MGAT5: variants seen among roughly 807,000 people sequenced by gnomAD.
MGAT5 encodes the protein alpha-1,6-mannosylglycoprotein 6-beta-N-acetylglucosaminyltransferase, also known as alpha-1,6-mannosylglycoprotein 6-beta-N-acetylglucosaminyltransferase A.
A neutral mutation model predicts 94.3 loss-of-function variants in MGAT5; 30 were observed. That is an observed-to-expected ratio of 0.32 (90% confidence interval 0.24 to 0.43). The LOEUF (loss-of-function observed/expected upper bound fraction) is 0.43, where lower values mean the gene tolerates loss of function less well. Among genes scored for constraint, MGAT5 ranks in the 20% least tolerant of loss-of-function variants. The pLI is 1.00. For synonymous variants in MGAT5, 310 were observed against 322.9 expected (o/e 0.96, Z 0.43); for missense variants, 691 against 905.5 (o/e 0.76, Z 3.04).
At chr2:134,429,106 T>G (rs1388716709) in intron 14 of MGAT5, among the ~76,000 whole-genome samples, 1 of 152,200 alleles carries the variant, frequency 6.6e-6, no homozygotes, top group Non-Finnish European at 1.5e-5. Context: ...GGTAGGAGAA[T>G]ATGAACTCTT....
chr2:134,313,386 T>C (rs1686813446), intron 2 of MGAT5, among the ~76,000 whole-genome samples: 1 of 152,184 alleles, frequency 6.6e-6, no homozygotes, highest in Non-Finnish European at 1.5e-5. Context: ...CTACATCGTA[T>C]GGGCACAAGT....
At chr2:134,302,328 C>T (rs1334001196) in intron 2 of MGAT5, among the ~76,000 whole-genome samples, 2 of 152,080 alleles carry the variant, frequency 1.3e-5, no homozygotes, top group Non-Finnish European at 2.9e-5. Context: ...CATATTGATT[C>T]ACCATCCTTT....
intron 1 of MGAT5, among the ~76,000 whole-genome samples, chr2:134,152,292 C>G (rs1687249897): frequency 7.1e-6 from 1 of 141,750 alleles, no homozygotes; most frequent in Admixed American, 7.0e-5. Flanking sequence ...GACCTGCTTA[C>G]CACCATGGGA....
In MGAT5 at chr2:134,448,808, C is replaced by A. The variant is rs1360783972; in HGVS notation, c.2187C>A (p.Phe729Leu). Reference sequence around the variant, plus strand: ...AGAGGGTCTGCCCCTGCCGGGACTTCATCAAGGGCCAGGTGGCTCTCTGCA... The same window carrying A: ...AGAGGGTCTGCCCCTGCCGGGACTTAATCAAGGGCCAGGTGGCTCTCTGCA... ...RHQRVCPCRD[F>L]IKGQVALCKD... is the part of the protein sequence containing the mutation. Residue 729 changes from phenylalanine to leucine, a missense_variant, in exon 16 of 16, where the codon TTC becomes TTA. Around this residue, in one of 4 missense-constraint regions of MGAT5, gnomAD observed 260 missense variants for 347.0 expected, o/e 0.75. Transcript: ENST00000281923. 1 of 1,613,988 alleles carries A rather than the reference C, an allele frequency of 6.2e-7. No homozygotes were observed. The highest frequency in any genetic ancestry group is 2.2e-5 in the East Asian group (1 of 44,888).
intron 10 of MGAT5, among the ~76,000 whole-genome samples, chr2:134,381,384 A>G (rs1271867468): frequency 5.2e-4 from 39 of 74,518 alleles, no homozygotes; most frequent in South Asian, 2.0e-3. Context: ...AAGATAGATT[A>G]GATAGATAGA....
chr2:134,305,268 T>G (rs557879616), intron 2 of MGAT5, among the ~76,000 whole-genome samples: 1 of 152,316 alleles, frequency 6.6e-6, no homozygotes, highest in East Asian at 1.9e-4. Flanking sequence ...CAAAAATTTT[T>G]CTTGATCTCC....
intron 5 of MGAT5, among the ~76,000 whole-genome samples, 175 bp downstream of exon 5, chr2:134,336,463 G>C (rs1291900919): frequency 6.6e-6 from 1 of 152,094 alleles, no homozygotes; most frequent in African/African-American, 2.4e-5. Context: ...CATTAGCATA[G>C]GTTTGTTTAC....
chr2:134,332,511 T>G (rs1050331523), intron 4 of MGAT5, among the ~76,000 whole-genome samples: 31 of 152,286 alleles, frequency 2.0e-4, no homozygotes, highest in African/African-American at 7.2e-4. Context: ...GCATTACCAT[T>G]CAAGACATAG....
chr2:134,251,797 C>A (rs879548522), upstream of MGAT5, among the ~76,000 whole-genome samples: 1 of 152,090 alleles, frequency 6.6e-6, no homozygotes. Flanking sequence ...TAGAAATATA[C>A]GTTATTATTA....
chr2:134,254,002 T>C (rs925139051), upstream of MGAT5, among the ~76,000 whole-genome samples: 1 of 152,254 alleles, frequency 6.6e-6, no homozygotes, highest in Non-Finnish European at 1.5e-5. Flanking sequence ...ACTTCCTGTT[T>C]TGAATTTGGT....
chr2:134,387,451 C>T (rs1388123550), intron 10 of MGAT5, among the ~76,000 whole-genome samples: 1 of 148,502 alleles, frequency 6.7e-6, no homozygotes, highest in Non-Finnish European at 1.5e-5. Flanking sequence ...ACTAGAGGAC[C>T]TTAAGCAAGT....
At chr2:134,335,561 C>G (rs1688283818) in intron 4 of MGAT5, among the ~76,000 whole-genome samples, 2 of 151,896 alleles carry the variant, frequency 1.3e-5, no homozygotes, top group Non-Finnish European at 2.9e-5. Flanking sequence ...TATTCATTGA[C>G]AGAACAATCC....
chr2:134,252,575 G>A (rs1682678822), upstream of MGAT5, among the ~76,000 whole-genome samples: 2 of 152,272 alleles, frequency 1.3e-5, no homozygotes, highest in South Asian at 4.2e-4. Context: ...AGTGGGTGTG[G>A]GTGGGGCCTG....
chr2:134,412,787 C>T, intron 11 of MGAT5, 82 bp from the exon 12 acceptor site: 1 of 1,554,436 alleles, frequency 6.4e-7, no homozygotes, highest in Non-Finnish European at 8.8e-7. Context: ...CACAGAATCG[C>T]CGCCTGCAAG....
chr2:134,253,037 A>G (rs903544428), upstream of MGAT5: 8 of 152,240 alleles, frequency 5.3e-5, no homozygotes, highest in East Asian at 1.9e-4. Context: ...AAAAGATGGT[A>G]TGTCACAATA....
In MGAT5 at chr2:134,449,930, G is replaced by C. The variant is rs1166089120; in HGVS notation, c.*1083G>C. The C allele has an allele frequency of 6.6e-6, 1 of 152,366 alleles. No homozygotes were observed. Among genetic ancestry groups the C allele is most frequent in the Non-Finnish European group, 1.5e-5 (1 of 68,208 alleles). The allele number at this position is 152,366 out of a possible 1,614,324, so 9.4% of individuals were successfully genotyped here. On this transcript the variant is annotated 3_prime_UTR_variant, in exon 16 of 16. Coordinates refer to ENST00000281923, the MANE Select transcript of MGAT5 (RefSeq NM_002410.5). ...AAGGGGGCTCTTGATGTCTGCTGGGGGAGTGGGGGCAGCTCAGGATGAATG... is the reference window on the plus strand; with the variant it reads ...AAGGGGGCTCTTGATGTCTGCTGGGCGAGTGGGGGCAGCTCAGGATGAATG...
chr2:134,430,511 G>A (rs1684821890), intron 14 of MGAT5, among the ~76,000 whole-genome samples: 1 of 152,174 alleles, frequency 6.6e-6, no homozygotes, highest in Non-Finnish European at 1.5e-5. Flanking sequence ...CCAGGTGACA[G>A]AAACAATGAA....
At chr2:134,204,471 G>T (rs185181384) in intron 1 of MGAT5, among the ~76,000 whole-genome samples, 46 of 152,244 alleles carry the variant, frequency 3.0e-4, no homozygotes, top group Admixed American at 2.7e-3. Flanking sequence ...AAGTGAGGGC[G>T]TTGGCTAGCC....
chr2:134,364,327 C>G (rs1243745813), intron 10 of MGAT5, among the ~76,000 whole-genome samples: 1 of 152,176 alleles, frequency 6.6e-6, no homozygotes, highest in African/African-American at 2.4e-5. Context: ...TGGTGAAACC[C>G]TGTCTGTACT....
Sources: gnomAD v4.1 joint callset for allele counts (sites outside exome capture counted in the v4.1 genomes callset) on GRCh38, gnomAD v4.1.1 for gene constraint, gnomAD v4.1.1 regional missense constraint, MANE v1.5 for transcripts, NCBI Gene and HGNC (gene_info 2026-07-23, HGNC 2026-07-21) for gene names.